Variants in KL observed in about 807,000 individuals in gnomAD.
KL encodes alpha-klotho.
In KL, 62 loss-of-function variants were observed where a neutral mutation model predicts 84.2. That is an observed-to-expected ratio of 0.74 (90% CI 0.60 to 0.91). The LOEUF is 0.91. Among genes scored for constraint, KL ranks in the 40% least tolerant of loss-of-function variants. The probability of loss-of-function intolerance (pLI) is 0.00; values close to 1 mark genes in which losing one functional copy is unlikely to be tolerated. For missense variants in KL, 1,261 were observed against 1,305.7 expected (o/e 0.97, Z 0.53); for synonymous variants, 528 against 528.0 (o/e 1.00, Z 0.00).
chr13:33,063,786 A>G lies in KL; in HGVS notation c.2702-63A>G, dbSNP rs1199018863. On this transcript the variant is annotated intron_variant, in intron 4 of 4. Coordinates refer to ENST00000380099, the MANE Select transcript of KL (RefSeq NM_004795.4). ...AGCAAGACTCCGTCTCAAAAAAAAA[A>G]AAAAGTGATGTGTTGTGTGCAAAAT... is the stretch of plus-strand genomic sequence containing the variant. 2.0e-6 allele frequency: 3 copies of G among 1,481,964 alleles called. No individual in the cohort carries two copies. In the African/African-American group the frequency reaches 4.2e-5, roughly 21 times the overall value. The allele number at this position is 1,481,964 out of a possible 1,614,324, so 91.8% of individuals were successfully genotyped here. A position where few individuals can be genotyped will look rare whatever the true frequency, so the allele number is the denominator to read the frequency against.
In KL at chr13:33,051,103, G is replaced by A. The variant is rs144337913; in HGVS notation, c.820-2664G>A. Among the ~76,000 whole-genome samples, 780 of 152,246 alleles carry A rather than the reference G, an allele frequency of 5.1e-3. 22 individuals are homozygous for A. The highest frequency in any genetic ancestry group is 1.1e-3 in the Non-Finnish European group (75 of 68,022). ...CATCCTCTAGAGAGAGAAGGGATACGCATTCATGGAGATCCTACTGTTGCA... is the reference window on the plus strand; with the variant it reads ...CATCCTCTAGAGAGAGAAGGGATACACATTCATGGAGATCCTACTGTTGCA... On this transcript the variant is annotated intron_variant, in intron 1 of 4. Coordinates refer to ENST00000380099, the MANE Select transcript of KL (RefSeq NM_004795.4).
intron 1 of KL, among the ~76,000 whole-genome samples, chr13:33,048,113 GAT>G (rs947462218): frequency 4.6e-5 from 7 of 151,960 alleles, no homozygotes; most frequent in African/African-American, 1.7e-4. Context: ...GGCTTCTGTT[GAT>G]ATTGAATACT....
chr13:33,049,298 G>T (rs1022608289), intron 1 of KL, among the ~76,000 whole-genome samples: 3 of 152,140 alleles, frequency 2.0e-5, no homozygotes, highest in Non-Finnish European at 4.4e-5. Context: ...CCTTTGATCT[G>T]GTTCTTAGTG....
intron 1 of KL, among the ~76,000 whole-genome samples, chr13:33,042,306 G>A (rs1871367066): frequency 6.6e-6 from 1 of 152,106 alleles, no homozygotes; most frequent in South Asian, 2.1e-4. Flanking sequence ...ACCTGTATGT[G>A]TATGGATATC....
intron 1 of KL, among the ~76,000 whole-genome samples, chr13:33,042,071 T>A (rs1383294407): frequency 6.6e-6 from 1 of 152,112 alleles, no homozygotes; most frequent in Non-Finnish European, 1.5e-5. Flanking sequence ...AATATATATA[T>A]TTTTTTAACT....
chr13:33,035,875 C>T (rs943064333), intron 1 of KL, among the ~76,000 whole-genome samples: 6 of 152,120 alleles, frequency 3.9e-5, no homozygotes, highest in Non-Finnish European at 7.4e-5. Flanking sequence ...ATTAATGAAG[C>T]AAGAAGCTCA....
rs769549517 is a variant in KL at position 33,061,406 on chromosome 13, A to G, written c.2327A>G (p.Asp776Gly). The change falls in exon 4 of 5, where the codon GAC (aspartate) becomes GGC (glycine). Residue 776 changes from aspartate (D) to glycine (G), a missense_variant. Transcript: ENST00000380099. ...GSGDYPWVMRDWLNQRNNFLL... is the reference protein window; with the variant it reads ...GSGDYPWVMRGWLNQRNNFLL... ...GGAGATTATCCATGGGTGATGAGGG[A>G]CTGGCTGAACCAAAGAAACAATTTT... The G allele has an allele frequency of 8.1e-6, 13 of 1,614,058 alleles. No individual in the cohort carries two copies. In the South Asian group the frequency reaches 1.4e-4, roughly 18 times the overall value.
chr13:33,043,660 T>C (rs1871420575), intron 1 of KL, among the ~76,000 whole-genome samples: 1 of 152,232 alleles, frequency 6.6e-6, no homozygotes, highest in Non-Finnish European at 1.5e-5. Context: ...TCTTGTGAAA[T>C]ATCTATTCAA....
chr13:33,043,854 C>T lies in KL; in HGVS notation c.820-9913C>T, dbSNP rs1056544791. Among the ~76,000 whole-genome samples, 4 of 152,140 alleles carry T rather than the reference C, an allele frequency of 2.6e-5. No individual in the cohort carries two copies. The East Asian group carries it at 5.8e-4, about 22-fold the overall frequency. On this transcript the variant is annotated intron_variant, in intron 1 of 4. Transcript: ENST00000380099. ...ATGTTAGCGAAATGTAAAGGCAAAT[C>T]ACATACTGAGGGGAGATATTTTAAT... is the stretch of plus-strand genomic sequence containing the variant.
intron 1 of KL, among the ~76,000 whole-genome samples, chr13:33,038,852 A>G (rs1218376445): frequency 6.6e-6 from 1 of 152,246 alleles, no homozygotes; most frequent in African/African-American, 2.4e-5. Context: ...TAGAAAAACA[A>G]TATAGTAAAT....
intron 1 of KL, among the ~76,000 whole-genome samples, chr13:33,030,555 C>A (rs1349446517): frequency 6.6e-6 from 1 of 152,066 alleles, no homozygotes; most frequent in Non-Finnish European, 1.5e-5. Context: ...TTTTGCTAGA[C>A]CACACTTGGA....
intron 1 of KL, among the ~76,000 whole-genome samples, chr13:33,031,933 T>C (rs377071304): frequency 6.6e-6 from 1 of 152,250 alleles, no homozygotes; most frequent in East Asian, 1.9e-4. Context: ...TTTTTTTGTA[T>C]TTTGGGGCAG....
rs1871862189 is a variant in KL at position 33,054,102 on chromosome 13, GT to G, written c.1157del (p.Phe386SerfsTer9). On this transcript the variant is annotated frameshift_variant, in exon 2 of 5. Coordinates refer to ENST00000380099, the MANE Select transcript of KL (RefSeq NM_004795.4). LOFTEE classifies it high-confidence loss of function. Reference protein sequence around the residue: ...SFQLLDPHMKFRQLESPNLRQ... With the variant: ...SFQLLDPHMKXRQLESPNLRQ... ...TTCAACTTTTGGACCCTCACATGAA[GT>G]TCCGCCAATTGGAATCTCCCAACCT... 1 of 1,613,330 alleles carries G rather than the reference GT, an allele frequency of 6.2e-7. No individual in the cohort carries two copies. The highest frequency in any genetic ancestry group is 1.3e-5 in the African/African-American group (1 of 74,764).
chr13:33,034,732 T>A (rs1566501578), intron 1 of KL, among the ~76,000 whole-genome samples: 1 of 152,226 alleles, frequency 6.6e-6, no homozygotes, highest in Non-Finnish European at 1.5e-5. Flanking sequence ...CTTTGATTTG[T>A]TCCCTGTTGT....
At chr13:33,025,207 T>C (rs1334834748) in intron 1 of KL, among the ~76,000 whole-genome samples, 1 of 152,042 alleles carries the variant, frequency 6.6e-6, no homozygotes, top group Non-Finnish European at 1.5e-5. Context: ...TAGGTTAGCG[T>C]TTTGGGGAGG....
At position 33,048,145 on chromosome 13, in the gene KL, A is replaced by G. The variant is rs1437454140; in HGVS notation, c.820-5622A>G. ...AATACTTCTTTTTTTCCCCTTAATT[A>G]AGGGTTTCATTTTCCTGCTTTTTCA... On this transcript the variant is annotated intron_variant, in intron 1 of 4. Coordinates refer to ENST00000380099, the MANE Select transcript of KL (RefSeq NM_004795.4). Among the ~76,000 whole-genome samples, 5 of 152,056 alleles carry G rather than the reference A, an allele frequency of 3.3e-5. No homozygotes were observed. The South Asian group carries it at 8.3e-4, about 25-fold the overall frequency.
intron 1 of KL, among the ~76,000 whole-genome samples, chr13:33,035,328 T>C (rs1235846007): frequency 6.6e-6 from 1 of 152,248 alleles, no homozygotes; most frequent in Non-Finnish European, 1.5e-5. Flanking sequence ...TGGCATCTGC[T>C]GTTGATAACT....
At chr13:33,055,706 A>G (rs1871932930) in intron 3 of KL, among the ~76,000 whole-genome samples, 1 of 152,240 alleles carries the variant, frequency 6.6e-6, no homozygotes, top group Non-Finnish European at 1.5e-5. Context: ...AGACTGAGGC[A>G]GGAACATTAG....
At position 33,061,408 on chromosome 13, in the gene KL, T is replaced by C. The variant is rs1219970830; in HGVS notation, c.2329T>C (p.Trp777Arg). The change falls in exon 4 of 5, where the codon TGG becomes CGG. Residue 777 changes from tryptophan (W) to arginine (R), a missense_variant. Physicochemically the swap from Trp to Arg is moderately radical, Grantham distance 101. Transcript: ENST00000380099. Reference sequence around the variant, plus strand: ...AGATTATCCATGGGTGATGAGGGACTGGCTGAACCAAAGAAACAATTTTCT... The same window carrying C: ...AGATTATCCATGGGTGATGAGGGACCGGCTGAACCAAAGAAACAATTTTCT... The part of the protein sequence containing the change: ...SGDYPWVMRD[W>R]LNQRNNFLLP... The C allele has an allele frequency of 6.2e-7, 1 of 1,614,228 alleles. No homozygotes were observed. The highest frequency in any genetic ancestry group is 8.5e-7 in the Non-Finnish European group (1 of 1,180,040).
Sources: gnomAD v4.1 joint callset for allele counts (sites outside exome capture counted in the v4.1 genomes callset) on GRCh38, gnomAD v4.1.1 for gene constraint, MANE v1.5 for transcripts, NCBI Gene and HGNC (gene_info 2026-07-23, HGNC 2026-07-21) for gene names.